The following GUCY1A2 variants were observed in gnomAD, a reference collection of about 807,000 sequenced individuals.
The protein encoded by GUCY1A2 is guanylate cyclase 1 soluble subunit alpha 2, also known as guanylate cyclase soluble subunit alpha-2.
A neutral mutation model predicts 63.5 loss-of-function variants in GUCY1A2; 27 were observed. The observed-to-expected ratio is 0.43, with a 90% CI of 0.31 to 0.59. The LOEUF is 0.59. GUCY1A2 is among the 20% of genes least tolerant of loss of function. The pLI is 0.11. For missense variants in GUCY1A2, 768 were observed against 913.3 expected, an observed-to-expected ratio of 0.84 and a Z score of 2.05; for synonymous variants, 364 against 343.5, an observed-to-expected ratio of 1.06 and a Z score of -0.66.
At position 106,739,208 on chromosome 11, in the gene GUCY1A2, T is replaced by C. The variant is rs181218184; in HGVS notation, c.1837-30542A>G. On this transcript the variant is annotated intron_variant, in intron 6 of 7. Coordinates refer to ENST00000526355, the MANE Select transcript of GUCY1A2 (RefSeq NM_000855.3). The stretch of plus-strand genomic sequence containing the variant: ...GCTCGCTGTTTGTCTATTATTGGTG[T>C]ATAGGAATGCTTGTGATTTTTGCAC... 5.6e-3 allele frequency among the ~76,000 whole-genome samples: 860 copies of C among 152,282 alleles called. 10 individuals carry two copies. The highest frequency in any genetic ancestry group is 0.019 in the African/African-American group (808 of 41,562).
At chr11:106,980,042 A>G (rs1246056951) in intron 2 of GUCY1A2, among the ~76,000 whole-genome samples, 1 of 152,190 alleles carries the variant, frequency 6.6e-6, no homozygotes, top group Non-Finnish European at 1.5e-5. Context: ...TTCCCCAGTG[A>G]ACATCTGCAG....
At chr11:106,860,118 A>G (rs1452807210) in intron 4 of GUCY1A2, among the ~76,000 whole-genome samples, 1 of 151,454 alleles carries the variant, frequency 6.6e-6, no homozygotes. Flanking sequence ...AAATTTTATG[A>G]ATTACTTAAG....
intron 1 of GUCY1A2, among the ~76,000 whole-genome samples, chr11:107,002,411 G>A (rs899285941): frequency 1.3e-5 from 2 of 151,716 alleles, no homozygotes; most frequent in African/African-American, 4.8e-5. Flanking sequence ...GTGTGTGTGT[G>A]TGTCCATACA....
At chr11:106,898,091 T>A (rs1042481770) in intron 4 of GUCY1A2, among the ~76,000 whole-genome samples, 1 of 152,284 alleles carries the variant, frequency 6.6e-6, no homozygotes, top group Non-Finnish European at 1.5e-5. Context: ...ACTATAGGAA[T>A]ATATGTTCCA....
At chr11:106,852,333 A>AC (rs1859367276) in intron 4 of GUCY1A2, among the ~76,000 whole-genome samples, 2 of 151,968 alleles carry the variant, frequency 1.3e-5, no homozygotes, top group African/African-American at 4.8e-5. Context: ...TCTGACTAGG[A>AC]CTTCCAGTAC....
chr11:106,915,695 C>T (rs1860361270), intron 4 of GUCY1A2, among the ~76,000 whole-genome samples: 1 of 144,952 alleles, frequency 6.9e-6, no homozygotes, highest in South Asian at 2.4e-4. Flanking sequence ...AAAAAGGGTG[C>T]TTCTTCGTTC....
At chr11:106,830,743 A>C (rs1055111081) in intron 4 of GUCY1A2, among the ~76,000 whole-genome samples, 7 of 152,102 alleles carry the variant, frequency 4.6e-5, no homozygotes, top group Non-Finnish European at 7.3e-5. Context: ...CTTCTTAATA[A>C]ACTCTCCTTT....
chr11:106,988,552 T>A (rs1476335335), intron 1 of GUCY1A2, among the ~76,000 whole-genome samples: 2 of 152,250 alleles, frequency 1.3e-5, no homozygotes, highest in Non-Finnish European at 2.9e-5. Context: ...AAGATCTAGC[T>A]TTTTTCTTGT....
At chr11:106,819,949 CAT>C (rs1444468365) in intron 4 of GUCY1A2, among the ~76,000 whole-genome samples, 2 of 152,078 alleles carry the variant, frequency 1.3e-5, no homozygotes, top group African/African-American at 4.8e-5. Flanking sequence ...AACTCATAGA[CAT>C]AGAGATTAAA....
chr11:106,988,332 CA>C (rs777097921), intron 1 of GUCY1A2, among the ~76,000 whole-genome samples: 2 of 152,176 alleles, frequency 1.3e-5, no homozygotes, highest in Non-Finnish European at 2.9e-5. Context: ...CCCTTGGCAA[CA>C]AACTGAAAAG....
chr11:106,849,109 G>T (rs1859317281), intron 4 of GUCY1A2, among the ~76,000 whole-genome samples: 1 of 151,276 alleles, frequency 6.6e-6, no homozygotes, highest in Non-Finnish European at 1.5e-5. Flanking sequence ...GACTATACAA[G>T]GTGCCATTCT....
At chr11:106,920,487 T>A (rs565441405) in intron 4 of GUCY1A2, among the ~76,000 whole-genome samples, 1 of 152,272 alleles carries the variant, frequency 6.6e-6, no homozygotes, top group African/African-American at 2.4e-5. Context: ...AAATTTATAA[T>A]ACATTAACAT....
At chr11:106,740,154 A>AC (rs776910025) in intron 6 of GUCY1A2, among the ~76,000 whole-genome samples, 1 of 151,720 alleles carries the variant, frequency 6.6e-6, no homozygotes, top group Non-Finnish European at 1.5e-5. Context: ...ACCCACCACC[A>AC]TGTCCGGCTA....
At chr11:106,735,027 A>G (rs1433727439) in intron 6 of GUCY1A2, among the ~76,000 whole-genome samples, 3 of 152,066 alleles carry the variant, frequency 2.0e-5, no homozygotes, top group Admixed American at 6.6e-5. Flanking sequence ...TAGAAGGTAT[A>G]TATATTTATG....
At position 106,681,379 on chromosome 11, in the gene GUCY1A2, C is replaced by T. The variant is rs1334196722; in HGVS notation, c.*6170G>A. ...AAGCCTACTTTCTCAATCACCTCTT[C>T]CAACCTATGCTCTACTTCCACTCAT... On this transcript the variant is annotated 3_prime_UTR_variant, in exon 8 of 8. Coordinates refer to ENST00000526355, the MANE Select transcript of GUCY1A2 (RefSeq NM_000855.3). The T allele has an allele frequency of 4.4e-6, 1 of 226,448 alleles. No homozygotes were observed. The highest frequency in any genetic ancestry group is 8.8e-6 in the Non-Finnish European group (1 of 113,764). The allele number at this position is 226,448 out of a possible 1,614,324, so 14.0% of individuals were successfully genotyped here.
At chr11:107,004,599 C>T (rs1363195611) in intron 1 of GUCY1A2, among the ~76,000 whole-genome samples, 1 of 152,066 alleles carries the variant, frequency 6.6e-6, no homozygotes, top group Non-Finnish European at 1.5e-5. Context: ...GACAAGGTTC[C>T]TCCTTTGTGT....
intron 4 of GUCY1A2, among the ~76,000 whole-genome samples, chr11:106,877,472 G>A (rs1358312847): frequency 6.6e-6 from 1 of 152,016 alleles, no homozygotes; most frequent in Non-Finnish European, 1.5e-5. Flanking sequence ...ACAAAATAGA[G>A]AGCCCAGAAA....
intron 5 of GUCY1A2, among the ~76,000 whole-genome samples, chr11:106,799,506 G>A (rs750850518): frequency 1.3e-5 from 2 of 152,158 alleles, no homozygotes; most frequent in African/African-American, 2.4e-5. Flanking sequence ...CAAGGTGACA[G>A]TAACCAAAAC....
At chr11:106,735,880 A>C (rs1278706556) in intron 6 of GUCY1A2, among the ~76,000 whole-genome samples, 1 of 152,162 alleles carries the variant, frequency 6.6e-6, no homozygotes, top group Non-Finnish European at 1.5e-5. Context: ...TCTGATGATT[A>C]AGGATGTTTA....
Sources: allele counts gnomAD v4.1 joint callset (sites outside exome capture counted in the v4.1 genomes callset), GRCh38; gene constraint gnomAD v4.1.1; transcripts MANE v1.5; gene names NCBI Gene and HGNC (gene_info 2026-07-23, HGNC 2026-07-21).